ATAD2B: variants seen among roughly 807,000 people sequenced by gnomAD.
ATAD2B encodes the protein ATPase family AAA domain-containing protein 2B.
A neutral mutation model predicts 167.6 loss-of-function variants in ATAD2B; 40 were observed. That is an observed-to-expected ratio of 0.24 (90% CI 0.19 to 0.31). ATAD2B has a LOEUF of 0.31. Among genes scored for constraint, ATAD2B ranks in the 10% least tolerant of loss-of-function variants. ATAD2B has a pLI of 1.00. For synonymous variants in ATAD2B, 579 were observed against 596.5 expected (o/e 0.97, Z 0.43); for missense variants, 1,242 against 1,757.2 (o/e 0.71, Z 5.24).
At chr2:23,887,445 T>G (rs1233951017) in intron 4 of ATAD2B, among the ~76,000 whole-genome samples, 1 of 152,218 alleles carries the variant, frequency 6.6e-6, no homozygotes, top group Admixed American at 6.5e-5. Context: ...ACTTAAGTTT[T>G]AATAGTAACT....
At position 23,808,006 on chromosome 2, in the gene ATAD2B, T is replaced by TTA. The variant is rs1266315309; in HGVS notation, c.2454+2308_2454+2309dup. Among the ~76,000 whole-genome samples, 6 of 117,010 alleles carry TTA rather than the reference T, an allele frequency of 5.1e-5. No homozygotes were observed. The East Asian group carries it at 1.3e-3, about 25-fold the overall frequency. The allele number at this position is 117,010 out of a possible 152,430, so 76.8% of individuals were successfully genotyped here. A position where few individuals can be genotyped will look rare whatever the true frequency, so the allele number is the denominator to read the frequency against. ...TTATATATAAATTTAGCACAGTAATTTATATATATTATTTATTTATTATAT... is the reference window on the plus strand; with the variant it reads ...TTATATATAAATTTAGCACAGTAATTTATATATATATTATTTATTTATTATAT... On this transcript the variant is annotated intron_variant, in intron 18 of 27. Transcript: ENST00000238789.
chr2:23,857,054 A>T (rs951336874), intron 13 of ATAD2B, among the ~76,000 whole-genome samples: 1 of 125,388 alleles, frequency 8.0e-6, no homozygotes, highest in African/African-American at 3.3e-5. Flanking sequence ...AAAATAAATT[A>T]AAAAAAAAAA....
At chr2:23,745,951 G>A (rs1283346075), downstream of ATAD2B, among the ~76,000 whole-genome samples, 2 of 152,210 alleles carry the variant, frequency 1.3e-5, no homozygotes, top group African/African-American at 4.8e-5. Flanking sequence ...AACAGATGTT[G>A]ACCTGTGATG....
chr2:23,701,939 G>C, the ATAD2B span, among the ~76,000 whole-genome samples: 1 of 151,592 alleles, frequency 6.6e-6, no homozygotes, highest in African/African-American at 2.4e-5. Flanking sequence ...TGGGTAGCTG[G>C]GTAGCTGGAA....
At chr2:23,918,047 C>CA (rs112581674) in intron 1 of ATAD2B, among the ~76,000 whole-genome samples, 18,095 of 149,516 alleles carry the variant, frequency 0.12, 1,179 homozygotes, top group Middle Eastern at 0.21. Flanking sequence ...AACTCCATCT[C>CA]AAAAAAAAGA....
intron 7 of ATAD2B, 101 bp from the exon 8 acceptor site, chr2:23,876,005 TG>T: frequency 1.1e-6 from 1 of 923,512 alleles, no homozygotes. Flanking sequence ...TTGTTGTTGT[TG>T]TTTTTTGAGA....
chr2:23,893,459 T>C (rs1367595556), intron 2 of ATAD2B, among the ~76,000 whole-genome samples: 1 of 152,036 alleles, frequency 6.6e-6, no homozygotes, highest in East Asian at 1.9e-4. Flanking sequence ...AATACAAGCC[T>C]TCAAGTAATT....
In ATAD2B at chr2:23,884,790, T is replaced by C. The variant is rs760988022; in HGVS notation, c.759A>G (p.Glu253=). Residue 253 remains glutamate, a synonymous_variant, in exon 6 of 28, where the codon GAA becomes GAG. Coordinates refer to ENST00000238789, the MANE Select transcript of ATAD2B (RefSeq NM_017552.4). The stretch of plus-strand genomic sequence containing the variant: ...CTTCTTCTTCACCCTCAGTAGAAAC[T>C]TCATGATGATTTTGTATCCCATAAC... ...RNSYGIQNHH[E]VSTEGEEEES... is the part of the protein sequence containing the mutation. 3.8e-6 allele frequency: 6 copies of C among 1,596,648 alleles called. No homozygotes were observed. In the Admixed American group the frequency reaches 8.8e-5, roughly 23 times the overall value.
At chr2:23,696,225 A>C in the ATAD2B span, 1 of 1,490,478 alleles carries the variant, frequency 6.7e-7, no homozygotes, top group Non-Finnish European at 9.1e-7. This position sits in a 1 kb window ranked among gnomAD's most constrained non-coding sequence, Gnocchi z 5.5. Context: ...ATGGCCCAGA[A>C]GTGTCTACTT....
Position 23,926,761 on chromosome 2 carries a change from T to C in ATAD2B, c.10A>G (p.Thr4Ala). 1 of 1,542,292 alleles carries C rather than the reference T, an allele frequency of 6.5e-7. No individual in the cohort carries two copies. Among genetic ancestry groups the C allele is most frequent in the East Asian group, 2.5e-5 (1 of 40,520 alleles). Residue 4 changes from threonine (T) to alanine (A), a missense_variant, in exon 1 of 28, where the codon ACC (threonine) becomes GCC (alanine). Around this residue, in one of 9 missense-constraint regions of ATAD2B, gnomAD observed 199 missense variants for 194.9 expected, o/e 1.02. Coordinates refer to ENST00000238789, the MANE Select transcript of ATAD2B (RefSeq NM_017552.4). ...AGAAGGCGGAGAGAGCTCTTCCGGG[T>C]GTTCACCATGGTCCAGCCAGGGGGA... Reference protein sequence around the residue: MVNTRKSSLRLLGS... With the variant: MVNARKSSLRLLGS...
chr2:23,805,068 G>A (rs931744896), intron 18 of ATAD2B, among the ~76,000 whole-genome samples: 4 of 151,558 alleles, frequency 2.6e-5, no homozygotes, highest in African/African-American at 9.7e-5. Flanking sequence ...ACTTGAACCC[G>A]GGAGGCGGAG....
chr2:23,799,198 A>T (rs1683069715), intron 18 of ATAD2B, among the ~76,000 whole-genome samples: 1 of 152,196 alleles, frequency 6.6e-6, no homozygotes, highest in South Asian at 2.1e-4. Context: ...CCATTTTGAG[A>T]ATTCTATTCC....
downstream of ATAD2B, among the ~76,000 whole-genome samples, chr2:23,746,487 T>C (rs924217254): frequency 1.3e-5 from 2 of 152,230 alleles, no homozygotes; most frequent in Non-Finnish European, 2.9e-5. Context: ...ACAGACACAA[T>C]GTCTTGCTCA....
chr2:23,754,309 T>C lies in ATAD2B; in HGVS notation c.4207-2A>G. 6.5e-7 allele frequency: 1 copy of C among 1,542,768 alleles called. No homozygotes were observed. Among genetic ancestry groups the C allele is most frequent in the Non-Finnish European group, 8.7e-7 (1 of 1,147,134 alleles). On this transcript the variant is annotated splice_acceptor_variant, in intron 26 of 27. Coordinates refer to ENST00000238789, the MANE Select transcript of ATAD2B (RefSeq NM_017552.4). LOFTEE classifies it high-confidence loss of function. The stretch of plus-strand genomic sequence containing the variant: ...ATCCACCAACAAATCAAGCAATTTC[T>C]AAGAAAAAACAGAAAAGAATAAAAT...
At chr2:23,818,832 A>G (rs1024048093) in intron 17 of ATAD2B, among the ~76,000 whole-genome samples, 41 of 152,356 alleles carry the variant, frequency 2.7e-4, no homozygotes, top group African/African-American at 9.1e-4. Flanking sequence ...ATTTAAAATT[A>G]CATTTGCACT....
the ATAD2B span, among the ~76,000 whole-genome samples, chr2:23,711,366 T>C: frequency 2.6e-5 from 3 of 113,572 alleles, no homozygotes; most frequent in African/African-American, 3.9e-5. Context: ...TTTTTTTTTT[T>C]TTTTTTTTTT....
rs1351665353 is a variant in ATAD2B, at chr2:23,786,173, G to C, written c.2827C>G (p.Gln943Glu). 1.3e-6 allele frequency: 2 copies of C among 1,595,842 alleles called. No individual in the cohort carries two copies. Among genetic ancestry groups the C allele is most frequent in the Admixed American group, 3.5e-5 (2 of 57,182 alleles). The change falls in exon 21 of 28, where the codon CAA becomes GAA. Residue 943 changes from glutamine (Q) to glutamate (E), a missense_variant. By Grantham distance (29) the Gln-to-Glu change is conservative. Around this residue, in one of 9 missense-constraint regions of ATAD2B, gnomAD observed 204 missense variants for 324.0 expected, o/e 0.63. Coordinates refer to ENST00000238789, the MANE Select transcript of ATAD2B (RefSeq NM_017552.4). ...CGACTTTTTTCTGATTCTGATAATT[G>C]ACGAGGTGGAGAAGGTAGTGCAAGA... The part of the protein sequence containing the change: ...LPLALPSPPR[Q>E]LSESEKSRME...
the ATAD2B span, among the ~76,000 whole-genome samples, chr2:23,741,082 G>A: frequency 1.6e-4 from 24 of 152,028 alleles, no homozygotes; most frequent in African/African-American, 5.6e-4. Flanking sequence ...AACATTCCAT[G>A]CTCATGGGTA....
chr2:23,706,157 C>A, the ATAD2B span, among the ~76,000 whole-genome samples: 1 of 152,226 alleles, frequency 6.6e-6, no homozygotes, highest in Admixed American at 6.5e-5. Flanking sequence ...CACACAAGAG[C>A]CTCCAGAAAG....
Sources: gnomAD v4.1 joint callset for allele counts (sites outside exome capture counted in the v4.1 genomes callset) on GRCh38, gnomAD v4.1.1 for gene constraint, gnomAD v4.1.1 regional missense constraint, Gnocchi (gnomAD v3.1) non-coding constraint, MANE v1.5 for transcripts, NCBI Gene and HGNC (gene_info 2026-07-23, HGNC 2026-07-21) for gene names.